The following UMODL1 variants were observed in gnomAD, a reference collection of about 807,000 sequenced individuals.
The protein encoded by UMODL1 is uromodulin like 1, also known as uromodulin-like 1.
A neutral mutation model predicts 136.3 loss-of-function variants in UMODL1; 128 were observed. The ratio of observed to expected loss-of-function variants is 0.94; its 90% confidence interval spans 0.81 to 1.09. The LOEUF (loss-of-function observed/expected upper bound fraction) is 1.09, where lower values mean the gene tolerates loss of function less well. Ranked by LOEUF, UMODL1 falls within the 50% of genes least tolerant of loss-of-function variation. The pLI, the probability that UMODL1 is intolerant of heterozygous loss-of-function variation, is 0.00. For synonymous variants in UMODL1, 721 were observed against 720.0 expected (o/e 1.00, Z -0.02); for missense variants, 1,766 against 1,725.6 (o/e 1.02, Z -0.41).
In UMODL1 at chr21:42,123,123, GA is replaced by G; in HGVS notation, c.3121del (p.Ser1041AlafsTer11). On this transcript the variant is annotated frameshift_variant, in exon 17 of 23. Transcript: ENST00000408910. LOFTEE classifies it high-confidence loss of function. This position sits in a 1 kb window ranked among gnomAD's most constrained non-coding sequence, Gnocchi z 4.4. ...CACACGTGCTCCTGGAGGCCGGCTGGAGCGAGTGTGGGACCCTCATGCAGAG... is the reference window on the plus strand; with the variant it reads ...CACACGTGCTCCTGGAGGCCGGCTGGGCGAGTGTGGGACCCTCATGCAGAG... Reference protein sequence around the residue: ...GTHVLLEAGWSECGTLMQSNM... With the variant: ...GTHVLLEAGWXECGTLMQSNM... 1 of 1,613,734 alleles carries G rather than the reference GA, an allele frequency of 6.2e-7. No homozygotes were observed. Among genetic ancestry groups the G allele is most frequent in the Non-Finnish European group, 8.5e-7 (1 of 1,179,788 alleles).
chr21:42,097,789 C>T lies in UMODL1; in HGVS notation c.932-1137C>T, dbSNP rs922257033. Among the ~76,000 whole-genome samples the T allele has an allele frequency of 3.3e-5, 5 of 152,140 alleles. No homozygotes were observed. The East Asian group carries it at 9.6e-4, about 29-fold the overall frequency. ...TCTACTTTTTATATAATTCTTACTG[C>T]CCAGACACTTGCTGTACAGCCAGAA... On this transcript the variant is annotated intron_variant, in intron 6 of 22. Coordinates refer to ENST00000408910, the MANE Select transcript of UMODL1 (RefSeq NM_001004416.3).
chr21:42,071,511 G>A, intron 1 of UMODL1, 119 bp downstream of exon 1: 2 of 1,040,340 alleles, frequency 1.9e-6, no homozygotes, highest in Non-Finnish European at 2.6e-6. Flanking sequence ...GCTTGGAGAG[G>A]CGACATCTGT....
At position 42,119,271 on chromosome 21, in the gene UMODL1, C is replaced by G. The variant is rs775837900; in HGVS notation, c.2636C>G (p.Ala879Gly). Reference protein sequence around the residue: ...VQEVSAAFLTAFQTVPLLEVI... With the variant: ...VQEVSAAFLTGFQTVPLLEVI... ...GAGGTGTCAGCTGCATTTCTCACCG[C>G]CTTCCAGACCGTGCCTCTGCTGGAG... is the stretch of plus-strand genomic sequence containing the variant. The change falls in exon 15 of 23, where the codon GCC becomes GGC. Residue 879 changes from alanine (A) to glycine (G), a missense_variant. Physicochemically the swap from Ala to Gly is moderately conservative, Grantham distance 60. Coordinates refer to ENST00000408910, the MANE Select transcript of UMODL1 (RefSeq NM_001004416.3). 1 of 1,614,252 alleles carries G rather than the reference C, an allele frequency of 6.2e-7. No individual in the cohort carries two copies. The highest frequency in any genetic ancestry group is 8.5e-7 in the Non-Finnish European group (1 of 1,180,044).
At chr21:42,086,921 G>A (rs1383478954) in intron 4 of UMODL1, among the ~76,000 whole-genome samples, 1 of 152,208 alleles carries the variant, frequency 6.6e-6, no homozygotes, top group African/African-American at 2.4e-5. Flanking sequence ...AGCTGAGATC[G>A]TGCCACTGCA....
rs1283268725 is a variant in UMODL1, at chr21:42,088,480, G to C, written c.790G>C (p.Asp264His). Residue 264 changes from aspartate to histidine, a missense_variant and splice_region_variant, in exon 5 of 23, where the codon GAT (aspartate) becomes CAT (histidine). Asp to His is a moderately conservative substitution (Grantham distance 81). Transcript: ENST00000408910. Reference sequence around the variant, plus strand: ...TGAAGTGATCAGCGTCCAGGTGCAAGGTTGGGCTTCCCTCAATCCTCCCTC... The same window carrying C: ...TGAAGTGATCAGCGTCCAGGTGCAACGTTGGGCTTCCCTCAATCCTCCCTC... ...VYEVISVQVQ[D>H]VNECFYEELN... 1 of 1,592,796 alleles carries C rather than the reference G, an allele frequency of 6.3e-7. No homozygotes were observed. Among genetic ancestry groups the C allele is most frequent in the African/African-American group, 1.3e-5 (1 of 74,604 alleles).
Position 42,094,671 on chromosome 21 carries a change from G to T in UMODL1, c.931+4233G>T, listed in dbSNP as rs534677959. 9.2e-5 allele frequency among the ~76,000 whole-genome samples: 14 copies of T among 152,338 alleles called. No homozygotes were observed. The South Asian group carries it at 2.7e-3, about 29-fold the overall frequency. ...TAGGGGCCTACCCTGGAAGAGAGGA[G>T]TCGGGGGTAGAAGGAAGATTTCCAG... On this transcript the variant is annotated intron_variant, in intron 6 of 22. Transcript: ENST00000408910.
intron 21 of UMODL1, among the ~76,000 whole-genome samples, chr21:42,136,659 G>A (rs1018133800): frequency 6.6e-6 from 1 of 152,134 alleles, no homozygotes; most frequent in African/African-American, 2.4e-5. Context: ...TGTGAACAGG[G>A]GTGTACAAAT....
intron 1 of UMODL1, among the ~76,000 whole-genome samples, chr21:42,075,060 G>A (rs556792832): frequency 3.3e-5 from 5 of 151,976 alleles, no homozygotes; most frequent in South Asian, 2.1e-4. Flanking sequence ...CGCCACTCCC[G>A]GCTAATTTTT....
intron 15 of UMODL1, 42 bp downstream of exon 15, chr21:42,119,366 C>G (rs1433456550): frequency 8.9e-6 from 14 of 1,569,124 alleles, no homozygotes; most frequent in Non-Finnish European, 1.1e-5. Context: ...GTTCTGGAAC[C>G]AGAGGCAGCC....
In UMODL1 at chr21:42,129,763, C is replaced by T. The variant is rs2067109491; in HGVS notation, c.3741C>T (p.His1247=). Residue 1247 remains histidine (H), a synonymous_variant, in exon 21 of 23, where the codon CAC becomes CAT. Transcript: ENST00000408910. ...LLQNSETSAT[H]QMSWGPLIRS... Reference sequence around the variant, plus strand: ...AAAATAGTGAAACCTCTGCCACACACCAGATGTCCTGGGGACCCCTCATCC... The same window carrying T: ...AAAATAGTGAAACCTCTGCCACACATCAGATGTCCTGGGGACCCCTCATCC... 3 of 1,594,376 alleles carry T rather than the reference C, an allele frequency of 1.9e-6. No homozygotes were observed. In the South Asian group the frequency reaches 3.5e-5, roughly 19 times the overall value.
At chr21:42,098,636 C>T (rs759336910) in intron 6 of UMODL1, among the ~76,000 whole-genome samples, 12 of 151,984 alleles carry the variant, frequency 7.9e-5, no homozygotes, top group East Asian at 1.9e-4. Flanking sequence ...GGCGTGGTGG[C>T]GAGTGCCTGT....
intron 2 of UMODL1, among the ~76,000 whole-genome samples, chr21:42,078,645 GCGGGGC>G (rs1388837551): frequency 1.9e-4 from 15 of 77,576 alleles, no homozygotes; most frequent in Admixed American, 5.3e-4. Context: ...CAGAAACCAG[GCGGGGC>G]CAGCTGACCC....
rs1008733527 is a variant in UMODL1 at position 42,099,685 on chromosome 21, C to T, written c.1186+505C>T. ...CCACCACATTGGTGCTGGGACAAAACGTTTTTTCTTTTTGAGACAGGGTCT... is the reference window on the plus strand; with the variant it reads ...CCACCACATTGGTGCTGGGACAAAATGTTTTTTCTTTTTGAGACAGGGTCT... On this transcript the variant is annotated intron_variant, in intron 7 of 22. Coordinates refer to ENST00000408910, the MANE Select transcript of UMODL1 (RefSeq NM_001004416.3). This position sits in a 1 kb window ranked among gnomAD's most constrained non-coding sequence, Gnocchi z 4.1. 2.0e-5 allele frequency among the ~76,000 whole-genome samples: 3 copies of T among 151,950 alleles called. No individual in the cohort carries two copies. The highest frequency in any genetic ancestry group is 2.1e-4 in the South Asian group (1 of 4,804).
At chr21:42,077,783 C>A (rs556787212) in intron 2 of UMODL1, among the ~76,000 whole-genome samples, 6 of 152,108 alleles carry the variant, frequency 3.9e-5, no homozygotes, top group Non-Finnish European at 8.8e-5. Flanking sequence ...TGGAAACAAG[C>A]CTAAAAACAG....
rs2067004926 is a variant in UMODL1 at position 42,123,272 on chromosome 21, G to A, written c.3147+122G>A. On this transcript the variant is annotated intron_variant, in intron 17 of 22. Coordinates refer to ENST00000408910, the MANE Select transcript of UMODL1 (RefSeq NM_001004416.3). The surrounding 1 kb of genome is among the most constrained non-coding windows in gnomAD (Gnocchi z 4.4). The stretch of plus-strand genomic sequence containing the variant: ...ACCCCGAGGGGAACCCAGCAAGGGG[G>A]GTTCAGGACAGGGTTGAGTTCTCAA... 2.5e-6 allele frequency: 3 copies of A among 1,181,084 alleles called. No homozygotes were observed. Among genetic ancestry groups the A allele is most frequent in the Non-Finnish European group, 3.5e-6 (3 of 860,924 alleles). The allele number at this position is 1,181,084 out of a possible 1,614,324, so 73.2% of individuals were successfully genotyped here.
chr21:42,096,233 T>C (rs950902786), intron 6 of UMODL1, among the ~76,000 whole-genome samples: 13 of 152,186 alleles, frequency 8.5e-5, no homozygotes, highest in Admixed American at 2.0e-4. Flanking sequence ...GGGAACATTG[T>C]CCTCAGGGAT....
In UMODL1 at chr21:42,096,716, C is replaced by T. The variant is rs553047905; in HGVS notation, c.932-2210C>T. Among the ~76,000 whole-genome samples, 262 of 152,264 alleles carry T rather than the reference C, an allele frequency of 1.7e-3. 2 individuals carry two copies. Among genetic ancestry groups the T allele is most frequent in the African/African-American group, 6.1e-3 (254 of 41,558 alleles). ...GGAGCCCTGGGTGTGGGCTGGGGGGCTGCTGTTATAGCTGCTGCGCCTGCT... is the reference window on the plus strand; with the variant it reads ...GGAGCCCTGGGTGTGGGCTGGGGGGTTGCTGTTATAGCTGCTGCGCCTGCT... On this transcript the variant is annotated intron_variant, in intron 6 of 22. Transcript: ENST00000408910.
rs56781855 is a variant in UMODL1, at chr21:42,101,757, C to T, written c.1187-409C>T. The T allele has an allele frequency of 3.7e-3, 1,687 of 456,840 alleles. 9 individuals carry two copies. The highest frequency in any genetic ancestry group is 7.4e-3 in the African/African-American group (372 of 50,132). The allele number at this position is 456,840 out of a possible 1,614,324, so 28.3% of individuals were successfully genotyped here. On this transcript the variant is annotated intron_variant, in intron 7 of 22. Transcript: ENST00000408910. ...TTCAGAGCTAAATTCTGGAACCTCC[C>T]GGGCAGGTTGGAACCCATTGGTCAC... is the stretch of plus-strand genomic sequence containing the variant.
intron 20 of UMODL1, among the ~76,000 whole-genome samples, chr21:42,128,362 C>T (rs1461774841): frequency 1.3e-5 from 2 of 152,176 alleles, no homozygotes; most frequent in African/African-American, 4.8e-5. Flanking sequence ...CTTTATATCA[C>T]AGACAAGTAC....
Sources: gnomAD v4.1 joint callset for allele counts (sites outside exome capture counted in the v4.1 genomes callset) on GRCh38, gnomAD v4.1.1 for gene constraint, Gnocchi (gnomAD v3.1) non-coding constraint, MANE v1.5 for transcripts, NCBI Gene and HGNC (gene_info 2026-07-23, HGNC 2026-07-21) for gene names.